LTBP1: variants seen among roughly 807,000 people sequenced by gnomAD.
LTBP1 encodes the protein latent transforming growth factor beta binding protein 1.
Under a neutral mutation model 207.6 loss-of-function variants are expected in LTBP1, and 129 were observed. That is an observed-to-expected ratio of 0.62 (90% CI 0.54 to 0.72). The LOEUF (loss-of-function observed/expected upper bound fraction) is 0.72, where lower values mean the gene tolerates loss of function less well. Ranked by LOEUF, LTBP1 falls within the 30% of genes least tolerant of loss-of-function variation. LTBP1 has a pLI of 0.00. For missense variants in LTBP1, 2,281 were observed against 2,217.2 expected, an observed-to-expected ratio of 1.03 and a Z score of -0.58; for synonymous variants, 963 against 833.7, an observed-to-expected ratio of 1.16 and a Z score of -2.67.
At chr2:33,270,482 T>C (rs2093294803) in intron 15 of LTBP1, among the ~76,000 whole-genome samples, 1 of 145,462 alleles carries the variant, frequency 6.9e-6, no homozygotes, top group Admixed American at 7.1e-5. Context: ...CCCAGCTACT[T>C]GGGAGGCTGA....
At chr2:33,235,481 G>A (rs1289697670) in intron 9 of LTBP1, among the ~76,000 whole-genome samples, 1 of 152,156 alleles carries the variant, frequency 6.6e-6, no homozygotes, top group African/African-American at 2.4e-5. Flanking sequence ...CAACCATTGT[G>A]GAAGACAGTG....
chr2:33,122,307 T>C (rs1208908239), intron 4 of LTBP1, among the ~76,000 whole-genome samples: 1 of 152,200 alleles, frequency 6.6e-6, no homozygotes, highest in Non-Finnish European at 1.5e-5. Flanking sequence ...CAGGGCAGAT[T>C]TACTTTTTAA....
At chr2:33,286,134 A>G (rs2093661131) in intron 19 of LTBP1, among the ~76,000 whole-genome samples, 1 of 152,190 alleles carries the variant, frequency 6.6e-6, no homozygotes, top group South Asian at 2.1e-4. Context: ...ATAGAACTTG[A>G]GACCCGGTAA....
chr2:33,325,873 T>C (rs1329115121), intron 24 of LTBP1, among the ~76,000 whole-genome samples: 1 of 152,174 alleles, frequency 6.6e-6, no homozygotes, highest in South Asian at 2.1e-4. Flanking sequence ...GGCTTTCTTC[T>C]TTTTTTCCTT....
intron 5 of LTBP1, among the ~76,000 whole-genome samples, chr2:33,144,042 T>A (rs2082829701): frequency 6.6e-6 from 1 of 151,970 alleles, no homozygotes; most frequent in African/African-American, 2.4e-5. Flanking sequence ...AAGACCTTTG[T>A]CTCTTTCTGA....
intron 22 of LTBP1, 44 bp downstream of exon 22, chr2:33,301,688 G>T: frequency 6.6e-7 from 1 of 1,505,714 alleles, no homozygotes; most frequent in Non-Finnish European, 8.9e-7. Flanking sequence ...TGCCCAGATC[G>T]GAGGGAAATC....
chr2:33,383,187 C>G (rs950587980), intron 31 of LTBP1, among the ~76,000 whole-genome samples: 2 of 152,188 alleles, frequency 1.3e-5, no homozygotes, highest in African/African-American at 4.8e-5. Context: ...AACCCCGTCT[C>G]TACTAAAAAT....
Position 33,275,958 on chromosome 2 carries a change from G to C in LTBP1, c.2992+35G>C, listed in dbSNP as rs17012731. 1.6e-3 allele frequency: 2,486 copies of C among 1,538,530 alleles called. 20 individuals carry two copies. The African/African-American group carries it at 0.023, about 14-fold the overall frequency. On this transcript the variant is annotated intron_variant, in intron 18 of 33. Transcript: ENST00000404816. Reference sequence around the variant, plus strand: ...CTGAGAGTGTTCAGCACACATGACGGTGATGTGCAGGGTTGGTAGGCACCT... The same window carrying C: ...CTGAGAGTGTTCAGCACACATGACGCTGATGTGCAGGGTTGGTAGGCACCT...
At chr2:32,952,794 C>T (rs1181544944) in intron 2 of LTBP1, among the ~76,000 whole-genome samples, 1 of 152,082 alleles carries the variant, frequency 6.6e-6, no homozygotes, top group East Asian at 1.9e-4. Context: ...CGGGAATAGG[C>T]AATACAAAAG....
At position 33,246,872 on chromosome 2, in the gene LTBP1, A is replaced by G. The variant is rs17012702; in HGVS notation, c.1999+3088A>G. Among the ~76,000 whole-genome samples, 1,508 of 152,218 alleles carry G rather than the reference A, an allele frequency of 9.9e-3. 28 individuals are homozygous for G. The highest frequency in any genetic ancestry group is 0.035 in the African/African-American group (1,452 of 41,522). On this transcript the variant is annotated intron_variant, in intron 10 of 33. Coordinates refer to ENST00000404816, the MANE Select transcript of LTBP1 (RefSeq NM_206943.4). ...CTGGCATTTGCTGCCTCTGACCTCT[A>G]TGTTTGAGGCTTAGGATGGTGTAGG...
chr2:33,045,880 T>A (rs2076416652), intron 3 of LTBP1, among the ~76,000 whole-genome samples: 1 of 152,204 alleles, frequency 6.6e-6, no homozygotes, highest in Non-Finnish European at 1.5e-5. Context: ...GTAGCAATTT[T>A]GAATGGGAGT....
intron 5 of LTBP1, among the ~76,000 whole-genome samples, chr2:33,140,586 C>G (rs553086403): frequency 6.6e-6 from 1 of 152,028 alleles, no homozygotes; most frequent in African/African-American, 2.4e-5. Flanking sequence ...TTAGCTATAT[C>G]AAAGAATTTT....
chr2:33,065,201 C>T (rs2077447789), intron 3 of LTBP1, among the ~76,000 whole-genome samples: 2 of 152,066 alleles, frequency 1.3e-5, no homozygotes, highest in Admixed American at 1.3e-4. Flanking sequence ...TTTATTCTGT[C>T]AGTATGGTTA....
chr2:33,021,451 G>A (rs2075162867), intron 3 of LTBP1, among the ~76,000 whole-genome samples: 1 of 152,166 alleles, frequency 6.6e-6, no homozygotes, highest in Admixed American at 6.5e-5. Context: ...CAACCATGAG[G>A]ATTATAGGGA....
intron 32 of LTBP1, among the ~76,000 whole-genome samples, chr2:33,392,763 T>C (rs942846014): frequency 3.9e-5 from 6 of 152,192 alleles, no homozygotes; most frequent in Non-Finnish European, 7.3e-5. Context: ...ATAAAAAAGG[T>C]ATTAGATATG....
chr2:32,950,446 C>T (rs1676924379), intron 2 of LTBP1, among the ~76,000 whole-genome samples: 1 of 151,680 alleles, frequency 6.6e-6, no homozygotes, highest in Non-Finnish European at 1.5e-5. Context: ...GTAATCCCAG[C>T]TACTGGGGAG....
At chr2:33,071,298 C>T (rs1277662284) in intron 3 of LTBP1, among the ~76,000 whole-genome samples, 1 of 152,248 alleles carries the variant, frequency 6.6e-6, no homozygotes, top group Non-Finnish European at 1.5e-5. Flanking sequence ...AGCTTGCCTT[C>T]CTCACAGTGA....
intron 4 of LTBP1, among the ~76,000 whole-genome samples, chr2:33,122,915 T>C (rs1008459604): frequency 6.6e-6 from 1 of 152,202 alleles, no homozygotes; most frequent in African/African-American, 2.4e-5. Flanking sequence ...CCCCCTTGTT[T>C]TGTAGGCAAG....
intron 7 of LTBP1, among the ~76,000 whole-genome samples, chr2:33,193,849 T>A (rs1438769426): frequency 1.3e-5 from 2 of 152,106 alleles, no homozygotes; most frequent in Non-Finnish European, 2.9e-5. Flanking sequence ...CATTCCCCCA[T>A]CTCTCTCCCT....
Sources: gnomAD v4.1 joint callset for allele counts (sites outside exome capture counted in the v4.1 genomes callset) on GRCh38, gnomAD v4.1.1 for gene constraint, MANE v1.5 for transcripts, NCBI Gene and HGNC (gene_info 2026-07-23, HGNC 2026-07-21) for gene names.